TP53BP1: variants seen among roughly 807,000 people sequenced by gnomAD.
The protein encoded by TP53BP1 is tumor protein p53 binding protein 1.
Under a neutral mutation model 200.8 loss-of-function variants are expected in TP53BP1, and 61 were observed. The observed-to-expected ratio is 0.30, with a 90% confidence interval of 0.25 to 0.38. TP53BP1 has a LOEUF of 0.38. Ranked by LOEUF, TP53BP1 falls within the 10% of genes least tolerant of loss-of-function variation. TP53BP1 has a pLI of 1.00. For missense variants in TP53BP1, 2,144 were observed against 2,371.9 expected, an observed-to-expected ratio of 0.90 and a Z score of 2.00; for synonymous variants, 822 against 844.3, an observed-to-expected ratio of 0.97 and a Z score of 0.46.
intron 11 of TP53BP1, 57 bp from the exon 12 acceptor site, chr15:43,457,275 T>C (rs1041106006): frequency 3.6e-5 from 51 of 1,400,194 alleles, no homozygotes; most frequent in Non-Finnish European, 4.3e-5. Context: ...ATATCTTTTA[T>C]ATCGAATCCT....
intron 24 of TP53BP1, 27 bp downstream of exon 24, chr15:43,413,092 A>G: frequency 1.2e-6 from 2 of 1,610,236 alleles, no homozygotes; most frequent in Non-Finnish European, 1.7e-6. Flanking sequence ...TATGTGTCAG[A>G]GCTCCCAGGG....
chr15:43,443,951 C>T (rs1023994552), intron 14 of TP53BP1, among the ~76,000 whole-genome samples: 6 of 152,154 alleles, frequency 3.9e-5, no homozygotes, highest in African/African-American at 1.4e-4. Flanking sequence ...TCAGTTGGAG[C>T]CCTGGCTCTG....
chr15:43,421,966 T>C lies in TP53BP1; in HGVS notation c.3989A>G (p.His1330Arg). The C allele has an allele frequency of 6.2e-7, 1 of 1,614,210 alleles. No individual in the cohort carries two copies. The highest frequency in any genetic ancestry group is 2.2e-5 in the East Asian group (1 of 44,888). ...TCCTTTCCCTGAGCTTCCACTGCTGTGCATAGCTGAGAGACTTGTCCCACT... is the reference window on the plus strand; with the variant it reads ...TCCTTTCCCTGAGCTTCCACTGCTGCGCATAGCTGAGAGACTTGTCCCACT... ...TSSGTSLSAM[H>R]SSGSSGKGAG... The change falls in exon 19 of 28, where the codon CAC becomes CGC. Residue 1330 changes from histidine to arginine, a missense_variant. Coordinates refer to ENST00000382044, the MANE Select transcript of TP53BP1 (RefSeq NM_001141980.3).
At chr15:43,431,530 C>T (rs1264054822) in intron 17 of TP53BP1, among the ~76,000 whole-genome samples, 3 of 152,142 alleles carry the variant, frequency 2.0e-5, no homozygotes. Context: ...CAGGCATGTG[C>T]CACCAGGCAC....
At chr15:43,477,075 C>T (rs978510306) in intron 8 of TP53BP1, among the ~76,000 whole-genome samples, 4 of 152,018 alleles carry the variant, frequency 2.6e-5, no homozygotes, top group Non-Finnish European at 5.9e-5. Context: ...CCAAGGCAGG[C>T]GGATCACAAG....
intron 14 of TP53BP1, among the ~76,000 whole-genome samples, chr15:43,445,373 T>C (rs1466709295): frequency 1.3e-5 from 2 of 152,182 alleles, no homozygotes; most frequent in Non-Finnish European, 2.9e-5. Flanking sequence ...CCCATAGGCT[T>C]CCATGGCTTC....
intron 4 of TP53BP1, among the ~76,000 whole-genome samples, chr15:43,482,629 G>A (rs1295005952): frequency 1.3e-5 from 2 of 152,300 alleles, no homozygotes; most frequent in East Asian, 3.9e-4. Context: ...TTAGCCGGGC[G>A]TGGTGGCACG....
chr15:43,490,902 G>C (rs2079112767), intron 4 of TP53BP1, among the ~76,000 whole-genome samples: 1 of 152,026 alleles, frequency 6.6e-6, no homozygotes, highest in African/African-American at 2.4e-5. Flanking sequence ...GTCCAATACA[G>C]GACCTAACAC....
At chr15:43,446,785 C>T (rs1476735783) in intron 13 of TP53BP1, 195 bp from the exon 14 acceptor site, 14 of 1,509,662 alleles carry the variant, frequency 9.3e-6, no homozygotes, top group African/African-American at 1.4e-5. Flanking sequence ...AGAGGAGCAA[C>T]AGGATTCAGT....
intron 4 of TP53BP1, among the ~76,000 whole-genome samples, chr15:43,484,761 T>TG (rs1220261215): frequency 6.6e-6 from 1 of 151,826 alleles, no homozygotes; most frequent in African/African-American, 2.4e-5. Context: ...TTTTTGTTTT[T>TG]TTTTTTTAAG....
chr15:43,492,237 T>TA (rs34075231), intron 2 of TP53BP1, 47 bp downstream of exon 2: 215,858 of 1,266,042 alleles, frequency 0.17, 12,010 homozygotes, highest in African/African-American at 0.49. Context: ...GTTTTCGGTT[T>TA]AAAAAAAAAA....
intron 12 of TP53BP1, 47 bp from the exon 13 acceptor site, chr15:43,447,532 TA>T (rs746432158): frequency 2.0e-5 from 28 of 1,408,828 alleles, no homozygotes; most frequent in South Asian, 1.3e-4. Flanking sequence ...AAAAATGATT[TA>T]AAAAAAACAG....
intron 4 of TP53BP1, among the ~76,000 whole-genome samples, chr15:43,487,962 T>C (rs1200308137): frequency 6.6e-6 from 1 of 152,052 alleles, no homozygotes; most frequent in Non-Finnish European, 1.5e-5. Flanking sequence ...TATTGATACA[T>C]GCAAAAACAT....
At chr15:43,408,686 A>G (rs1595515827) in intron 26 of TP53BP1, 2 of 568,198 alleles carry the variant, frequency 3.5e-6, no homozygotes, top group Non-Finnish European at 6.3e-6. Context: ...GAACCTATAT[A>G]CAAATCTTCA....
chr15:43,464,454 A>G (rs945204294), intron 11 of TP53BP1, among the ~76,000 whole-genome samples: 1 of 152,340 alleles, frequency 6.6e-6, no homozygotes, highest in Middle Eastern at 3.4e-3. Flanking sequence ...GGTATACATA[A>G]GAGAAATAAA....
At chr15:43,427,972 AAG>A (rs1491516671) in intron 18 of TP53BP1, 42 bp downstream of exon 18, 128 of 1,376,884 alleles carry the variant, frequency 9.3e-5, no homozygotes, top group South Asian at 2.9e-4. Flanking sequence ...AAAAAAAAAA[AAG>A]AAAGAAAGAA....
rs932844031 is a variant in TP53BP1 at position 43,463,445 on chromosome 15, A to G, written c.1390-6227T>C. On this transcript the variant is annotated intron_variant, in intron 11 of 27. Transcript: ENST00000382044. ...AACCAAGGTACAAAAGAAATAACAG[A>G]TGAACAAGGGTTACCCATTAAGAAT... Among the ~76,000 whole-genome samples, 4 of 152,240 alleles carry G rather than the reference A, an allele frequency of 2.6e-5. No individual in the cohort carries two copies. The South Asian group carries it at 8.3e-4, about 32-fold the overall frequency.
intron 9 of TP53BP1, 67 bp downstream of exon 9, chr15:43,475,498 T>C: frequency 1.9e-6 from 3 of 1,574,246 alleles, no homozygotes; most frequent in Non-Finnish European, 2.6e-6. Flanking sequence ...GTTTAGCCTC[T>C]TTCAGCCTTA....
At chr15:43,499,189 A>G (rs2079197059) in intron 1 of TP53BP1, among the ~76,000 whole-genome samples, 1 of 152,154 alleles carries the variant, frequency 6.6e-6, no homozygotes, top group Non-Finnish European at 1.5e-5. Context: ...ATAGTTACTC[A>G]TATTCTGAGG....
Sources: allele counts gnomAD v4.1 joint callset (sites outside exome capture counted in the v4.1 genomes callset), GRCh38; gene constraint gnomAD v4.1.1; transcripts MANE v1.5; gene names NCBI Gene and HGNC (gene_info 2026-07-23, HGNC 2026-07-21).